The following AGBL4 variants were observed in gnomAD, a reference collection of about 807,000 sequenced individuals.
The protein encoded by AGBL4 is AGBL carboxypeptidase 4, also known as cytosolic carboxypeptidase 6.
In AGBL4, 58 loss-of-function variants were observed where a neutral mutation model predicts 66.4. The ratio of observed to expected loss-of-function variants is 0.87; its 90% CI spans 0.71 to 1.09. The LOEUF is 1.09. Among genes scored for constraint, AGBL4 ranks in the 50% least tolerant of loss-of-function variants. The pLI is 0.00. For synonymous variants in AGBL4, 234 were observed against 222.9 expected (o/e 1.05, Z -0.44); for missense variants, 579 against 631.0 (o/e 0.92, Z 0.88).
intron 3 of AGBL4, among the ~76,000 whole-genome samples, chr1:49,429,045 TTA>T (rs1266072542): frequency 6.6e-6 from 1 of 152,226 alleles, no homozygotes; most frequent in Non-Finnish European, 1.5e-5. Context: ...AAATTACAAA[TTA>T]TATGTTCCAG....
chr1:49,643,967 T>C (rs1645834898), intron 3 of AGBL4, among the ~76,000 whole-genome samples: 1 of 151,786 alleles, frequency 6.6e-6, no homozygotes, highest in East Asian at 1.9e-4. Context: ...CTTAAAAGAT[T>C]ATCAATTATT....
In AGBL4 at chr1:49,560,676, G is replaced by A. The variant is rs141374203; in HGVS notation, c.282+136637C>T. The stretch of plus-strand genomic sequence containing the variant: ...TCAAACTATTTAATAAACTCACAAA[G>A]TTCAAGGATAAATAAAGATTCCTAA... On this transcript the variant is annotated intron_variant, in intron 3 of 13. Transcript: ENST00000371839. Among the ~76,000 whole-genome samples, 820 of 152,176 alleles carry A rather than the reference G, an allele frequency of 5.4e-3. 15 individuals carry two copies. The highest frequency in any genetic ancestry group is 0.023 in the South Asian group (113 of 4,814).
At chr1:48,769,946 G>A (rs1160543697) in intron 6 of AGBL4, among the ~76,000 whole-genome samples, 1 of 152,180 alleles carries the variant, frequency 6.6e-6, no homozygotes, top group Non-Finnish European at 1.5e-5. Flanking sequence ...CTCTTCAGTA[G>A]TTAAGGAAAT....
At chr1:48,877,145 G>A (rs1416687261) in intron 5 of AGBL4, among the ~76,000 whole-genome samples, 1 of 152,154 alleles carries the variant, frequency 6.6e-6, no homozygotes, top group Non-Finnish European at 1.5e-5. Context: ...CAGTAGGGTG[G>A]ACGAAGCAGA....
At chr1:49,067,538 G>A (rs984386479) in intron 4 of AGBL4, among the ~76,000 whole-genome samples, 16 of 152,024 alleles carry the variant, frequency 1.1e-4, no homozygotes, top group East Asian at 1.9e-4. Context: ...TCTTTTGAAC[G>A]TTCTTCCTCA....
chr1:49,281,788 G>C (rs891029711), intron 3 of AGBL4, among the ~76,000 whole-genome samples: 5 of 152,200 alleles, frequency 3.3e-5, no homozygotes, highest in African/African-American at 1.2e-4. Flanking sequence ...CTGAACAAAT[G>C]GAAGTGCTGG....
chr1:48,595,150 A>C (rs1286396466), intron 9 of AGBL4, among the ~76,000 whole-genome samples: 1 of 152,170 alleles, frequency 6.6e-6, no homozygotes, highest in Non-Finnish European at 1.5e-5. Context: ...CTGAGTTAAC[A>C]GCCTCCTCTG....
chr1:49,290,465 C>T (rs750018228), intron 3 of AGBL4, among the ~76,000 whole-genome samples: 7 of 152,004 alleles, frequency 4.6e-5, no homozygotes, highest in Non-Finnish European at 7.4e-5. Flanking sequence ...ATGTCTAAGC[C>T]CAGCATCAAT....
intron 4 of AGBL4, among the ~76,000 whole-genome samples, chr1:49,157,345 T>C (rs1417453238): frequency 6.6e-6 from 1 of 151,886 alleles, no homozygotes; most frequent in Non-Finnish European, 1.5e-5. Flanking sequence ...TGGTTTTCTC[T>C]TCTTGTCTTA....
chr1:48,537,498 GT>G (rs1352452687), intron 12 of AGBL4, among the ~76,000 whole-genome samples: 4 of 152,028 alleles, frequency 2.6e-5, no homozygotes, highest in Non-Finnish European at 5.9e-5. Flanking sequence ...CTCTTCACTG[GT>G]AGACACTGAA....
At chr1:49,510,658 C>A (rs1346783728) in intron 3 of AGBL4, among the ~76,000 whole-genome samples, 1 of 151,098 alleles carries the variant, frequency 6.6e-6, no homozygotes, top group South Asian at 2.1e-4. Flanking sequence ...AGTCCTTGCC[C>A]ATGCCTATGT....
chr1:49,948,297 AATATATATAAAT>A (rs1164339294), intron 1 of AGBL4, among the ~76,000 whole-genome samples: 20 of 109,962 alleles, frequency 1.8e-4, no homozygotes, highest in East Asian at 4.8e-4. Flanking sequence ...AATATATAAA[AATATATATAAAT>A]ATATATATAA....
chr1:49,696,780 T>G (rs957567177), intron 3 of AGBL4, among the ~76,000 whole-genome samples: 10 of 152,076 alleles, frequency 6.6e-5, no homozygotes, highest in African/African-American at 2.4e-4. Context: ...GCAAAAATAT[T>G]TTCCAGAATC....
intron 1 of AGBL4, among the ~76,000 whole-genome samples, chr1:49,986,100 C>T (rs1009342172): frequency 9.9e-5 from 15 of 151,978 alleles, no homozygotes; most frequent in African/African-American, 3.6e-4. Flanking sequence ...TACAGAAAAG[C>T]ACACCAATCA....
At chr1:48,822,747 A>G (rs1646343892) in intron 6 of AGBL4, among the ~76,000 whole-genome samples, 1 of 152,202 alleles carries the variant, frequency 6.6e-6, no homozygotes, top group Non-Finnish European at 1.5e-5. Context: ...CAGGCCTTGG[A>G]ACTTGTCAGT....
intron 3 of AGBL4, among the ~76,000 whole-genome samples, chr1:49,450,964 A>G (rs896287059): frequency 1.3e-5 from 2 of 152,096 alleles, no homozygotes; most frequent in African/African-American, 4.8e-5. Context: ...ATTCGGCATG[A>G]TATGACTGGA....
chr1:48,813,937 A>AT (rs1291307811), intron 6 of AGBL4, among the ~76,000 whole-genome samples: 1 of 151,222 alleles, frequency 6.6e-6, no homozygotes, highest in Non-Finnish European at 1.5e-5. Context: ...ATGCACTGGG[A>AT]TTTGGAGCCA....
rs193183596 is a variant in AGBL4, at chr1:48,605,709, A to G, written c.952-14724T>C. Among the ~76,000 whole-genome samples the G allele has an allele frequency of 1.7e-3, 261 of 152,328 alleles. 1 individual carries two copies. Among genetic ancestry groups the G allele is most frequent in the Non-Finnish European group, 2.5e-3 (171 of 68,038 alleles). ...CATAGTAGGTGCTAAGGAAATCCTT[A>G]TTGAATGAATAGATGGATGAACTAA... On this transcript the variant is annotated intron_variant, in intron 9 of 13. Transcript: ENST00000371839.
chr1:49,987,306 G>C (rs1464505399), intron 1 of AGBL4, among the ~76,000 whole-genome samples: 1 of 151,992 alleles, frequency 6.6e-6, no homozygotes, highest in African/African-American at 2.4e-5. Context: ...TCTAGCCAAA[G>C]AGCTTTGGTA....
Sources: gnomAD v4.1 joint callset for allele counts (sites outside exome capture counted in the v4.1 genomes callset) on GRCh38, gnomAD v4.1.1 for gene constraint, MANE v1.5 for transcripts, NCBI Gene and HGNC (gene_info 2026-07-23, HGNC 2026-07-21) for gene names.